PLCG2: variants seen among roughly 807,000 people sequenced by gnomAD.
PLCG2 encodes the protein phospholipase C gamma 2.
In PLCG2, 69 loss-of-function variants were observed where a neutral mutation model predicts 175.6. That is an observed-to-expected ratio of 0.39 (90% CI 0.32 to 0.48). The LOEUF is 0.48. Ranked by LOEUF, PLCG2 falls within the 20% of genes least tolerant of loss-of-function variation. PLCG2 has a pLI of 0.91. For missense variants in PLCG2, 1,798 were observed against 1,650.9 expected, an observed-to-expected ratio of 1.09 and a Z score of -1.54; for synonymous variants, 827 against 624.0, an observed-to-expected ratio of 1.33 and a Z score of -4.85.
intron 2 of PLCG2, among the ~76,000 whole-genome samples, chr16:81,811,103 T>C (rs551604846): frequency 6.6e-6 from 1 of 152,156 alleles, no homozygotes; most frequent in African/African-American, 2.4e-5. Context: ...AGGTGTTCAG[T>C]GTGCTGGGGA....
intron 2 of PLCG2, among the ~76,000 whole-genome samples, chr16:81,809,397 T>C (rs1023151001): frequency 2.0e-5 from 3 of 152,142 alleles, no homozygotes; most frequent in African/African-American, 7.2e-5. Context: ...CTGCACTGAC[T>C]CCCAGGCTTC....
intron 1 of PLCG2, among the ~76,000 whole-genome samples, chr16:81,749,001 C>T (rs1909755890): frequency 6.6e-6 from 1 of 152,146 alleles, no homozygotes; most frequent in Non-Finnish European, 1.5e-5. Context: ...CAGGAGAGAG[C>T]TCAGGGTGGA....
At chr16:81,937,418 T>C (rs1352290610) in intron 27 of PLCG2, 1 of 179,072 alleles carries the variant, frequency 5.6e-6, no homozygotes, top group East Asian at 1.5e-4. Flanking sequence ...ATTTATAGCA[T>C]AGATGTATCA....
At chr16:81,768,394 A>G (rs879348547) in intron 2 of PLCG2, among the ~76,000 whole-genome samples, 5 of 152,162 alleles carry the variant, frequency 3.3e-5, no homozygotes, top group African/African-American at 9.7e-5. Context: ...ATATGTTTTC[A>G]TATCTCTTAG....
intron 2 of PLCG2, among the ~76,000 whole-genome samples, chr16:81,850,721 C>T (rs1007315943): frequency 2.0e-5 from 3 of 152,142 alleles, no homozygotes; most frequent in Admixed American, 2.0e-4. Flanking sequence ...ACTTCTGGCA[C>T]CTGCACAGTG....
At chr16:81,950,749 A>G (rs762705660) in intron 31 of PLCG2, among the ~76,000 whole-genome samples, 60 of 152,234 alleles carry the variant, frequency 3.9e-4, no homozygotes, top group Non-Finnish European at 7.6e-4. Flanking sequence ...TAAATATACT[A>G]AAACAAGTAA....
At chr16:81,941,088 C>T (rs1184060429) in intron 30 of PLCG2, among the ~76,000 whole-genome samples, 2 of 152,126 alleles carry the variant, frequency 1.3e-5, no homozygotes, top group East Asian at 3.9e-4. Flanking sequence ...TGTTTGGAAA[C>T]GTGGGGCTCA....
chr16:81,938,230 G>A (rs1174286055), intron 28 of PLCG2, among the ~76,000 whole-genome samples: 2 of 152,150 alleles, frequency 1.3e-5, no homozygotes, highest in Non-Finnish European at 2.9e-5. Context: ...CAGCCATTTG[G>A]TCTTAATGGA....
Position 81,946,248 on chromosome 16 carries a change from G to C in PLCG2, c.3555G>C (p.Glu1185Asp), listed in dbSNP as rs763487073. The change falls in exon 31 of 33, where the codon GAG becomes GAC. Residue 1185 changes from glutamate (E) to aspartate (D), a missense_variant. By Grantham distance (45) the Glu-to-Asp change is conservative. Coordinates refer to ENST00000564138, the MANE Select transcript of PLCG2 (RefSeq NM_002661.5). ...TGGCTTCCCTCCTGGTTTTCTGTGA[G>C]ATGCGGCCAGTCCTGGTGAGTGGAG... ...IELASLLVFC[E>D]MRPVLESEEE... The C allele has an allele frequency of 1.2e-6, 2 of 1,613,422 alleles. No individual in the cohort carries two copies. The highest frequency in any genetic ancestry group is 2.7e-5 in the African/African-American group (2 of 74,894).
rs531842728 is a variant in PLCG2, at chr16:81,879,181, C to T, written c.649-1729C>T. ...GGTGGTCAGTGAGGGGGGCCACACA[C>T]TGGGCTCCCTCCAGATGTAAATAAG... On this transcript the variant is annotated intron_variant, in intron 7 of 32. Coordinates refer to ENST00000564138, the MANE Select transcript of PLCG2 (RefSeq NM_002661.5). Among the ~76,000 whole-genome samples, 31 of 152,282 alleles carry T rather than the reference C, an allele frequency of 2.0e-4. 1 individual carries two copies. The South Asian group carries it at 5.4e-3, about 26-fold the overall frequency.
At chr16:81,854,675 C>T in intron 3 of PLCG2, 88 bp downstream of exon 3, 3 of 1,177,786 alleles carry the variant, frequency 2.5e-6, no homozygotes, top group Admixed American at 1.8e-5. Flanking sequence ...CTCACCCCTG[C>T]CTGCTCACTG....
Position 81,936,245 on chromosome 16 carries a change from C to A in PLCG2, c.2919C>A (p.Asp973Glu), listed in dbSNP as rs767195651. The change falls in exon 27 of 33, where the codon GAC (aspartate) becomes GAA (glutamate). Residue 973 changes from aspartate (D) to glutamate (E), a missense_variant. Asp to Glu is a conservative substitution (Grantham distance 45, BLOSUM62 2). Transcript: ENST00000564138. ...ADSIIRQKPV[D>E]LLKYNQKGLT... ...GCATCATCAGACAGAAGCCCGTCGA[C>A]CTCCTGAAGTACAATCAAAAGGGCC... 6.2e-7 allele frequency: 1 copy of A among 1,614,176 alleles called. No individual in the cohort carries two copies. The highest frequency in any genetic ancestry group is 8.5e-7 in the Non-Finnish European group (1 of 1,180,038).
intron 2 of PLCG2, among the ~76,000 whole-genome samples, chr16:81,796,673 T>A (rs1047309251): frequency 1.3e-5 from 2 of 152,190 alleles, no homozygotes; most frequent in African/African-American, 4.8e-5. Context: ...CCAATATGAC[T>A]GGTTTCCTTA....
chr16:81,880,282 C>T (rs1908013941), intron 7 of PLCG2, among the ~76,000 whole-genome samples: 1 of 152,064 alleles, frequency 6.6e-6, no homozygotes, highest in African/African-American at 2.4e-5. Flanking sequence ...GTATGTGTAC[C>T]CCAGTGGAGG....
chr16:81,888,043 C>T (rs1908455678), intron 9 of PLCG2, among the ~76,000 whole-genome samples: 1 of 151,168 alleles, frequency 6.6e-6, no homozygotes, highest in African/African-American at 2.4e-5. Flanking sequence ...TGAGACTCTG[C>T]AGTTTACAAG....
At position 81,881,705 on chromosome 16, in the gene PLCG2, C is replaced by T. The variant is rs191855624; in HGVS notation, c.692+752C>T. Among the ~76,000 whole-genome samples the T allele has an allele frequency of 9.7e-4, 147 of 152,272 alleles. 3 individuals are homozygous for T. The highest frequency in any genetic ancestry group is 8.5e-3 in the South Asian group (41 of 4,812). Reference sequence around the variant, plus strand: ...TGTCGCCTAGGCTGGAGTGCACTGGCGCAATCTTGGCTCACTGCAACCTCC... The same window carrying T: ...TGTCGCCTAGGCTGGAGTGCACTGGTGCAATCTTGGCTCACTGCAACCTCC... On this transcript the variant is annotated intron_variant, in intron 8 of 32. Transcript: ENST00000564138.
chr16:81,739,391 T>A lies in PLCG2; in HGVS notation c.-145+6T>A, dbSNP rs144113708. The A allele has an allele frequency of 7.3e-5, 11 of 151,602 alleles. No individual in the cohort carries two copies. The East Asian group carries it at 2.2e-3, about 30-fold the overall frequency. 9.4% of individuals were successfully genotyped at this position (151,602 alleles called of 1,614,324 possible). On this transcript the variant is annotated splice_donor_region_variant and intron_variant, in intron 1 of 5. Transcript: ENST00000565054. ...TTGTGGCAGTGGCAAGGTTGGTGAGTATCTGAGTCTTCAGGCCACGGCATT... is the reference window on the plus strand; with the variant it reads ...TTGTGGCAGTGGCAAGGTTGGTGAGAATCTGAGTCTTCAGGCCACGGCATT...
At chr16:81,931,733 C>A (rs1447730068) in intron 25 of PLCG2, 79 bp downstream of exon 25, 2 of 1,325,378 alleles carry the variant, frequency 1.5e-6, no homozygotes, top group Non-Finnish European at 2.1e-6. Flanking sequence ...GTGGGTGGGT[C>A]CAGGCAGCAG....
chr16:81,772,538 G>A (rs1396948401), intron 2 of PLCG2, among the ~76,000 whole-genome samples: 1 of 151,990 alleles, frequency 6.6e-6, no homozygotes, highest in African/African-American at 2.4e-5. Context: ...GGCCAGGCAC[G>A]GTGGCTCACG....
Sources: gnomAD v4.1 joint callset for allele counts (sites outside exome capture counted in the v4.1 genomes callset) on GRCh38, gnomAD v4.1.1 for gene constraint, MANE v1.5 for transcripts, NCBI Gene and HGNC (gene_info 2026-07-23, HGNC 2026-07-21) for gene names.